Variants in AKAP6 observed in about 807,000 individuals in gnomAD.
The protein encoded by AKAP6 is A-kinase anchor protein 6.
AKAP6 carries 58 observed loss-of-function variants against 188.5 expected under a neutral mutation model. That is an observed-to-expected ratio of 0.31 (90% confidence interval 0.25 to 0.38). The LOEUF (loss-of-function observed/expected upper bound fraction) is 0.38. Ranked by LOEUF, AKAP6 falls within the 10% of genes least tolerant of loss-of-function variation. AKAP6 has a pLI of 1.00. For synonymous variants in AKAP6, 989 were observed against 998.6 expected, an observed-to-expected ratio of 0.99 and a Z score of 0.18; for missense variants, 2,710 against 2,740.0, an observed-to-expected ratio of 0.99 and a Z score of 0.24.
intron 9 of AKAP6, chr14:32,718,285 G>A: frequency 1.0e-6 from 1 of 985,318 alleles, no homozygotes; most frequent in East Asian, 1.1e-4. Context: ...CCATTGAAAT[G>A]ACAGTCAAGC....
At chr14:32,777,017 C>T (rs926771) in intron 12 of AKAP6, among the ~76,000 whole-genome samples, 15,002 of 152,176 alleles carry the variant, frequency 0.099, 781 homozygotes, top group East Asian at 0.16. Context: ...AGCTAGAAAT[C>T]ATTCCCTTTT....
intron 12 of AKAP6, among the ~76,000 whole-genome samples, chr14:32,817,469 G>GTC (rs879292922): frequency 0.021 from 2,757 of 129,152 alleles, 32 homozygotes; most frequent in Non-Finnish European, 0.033. Context: ...GTGTGTGTGT[G>GTC]TGTGTGTGTG....
At chr14:32,586,110 T>C (rs1459623983) in intron 5 of AKAP6, among the ~76,000 whole-genome samples, 1 of 152,168 alleles carries the variant, frequency 6.6e-6, no homozygotes. Flanking sequence ...AATAACTCTG[T>C]GCATGAAAGA....
intron 5 of AKAP6, among the ~76,000 whole-genome samples, chr14:32,584,762 T>G (rs915120851): frequency 2.0e-5 from 3 of 152,240 alleles, no homozygotes; most frequent in African/African-American, 7.2e-5. Flanking sequence ...TTTCGGTCTG[T>G]CTTCTTACAT....
At chr14:32,613,443 A>G (rs2139391100) in intron 7 of AKAP6, among the ~76,000 whole-genome samples, 1 of 152,330 alleles carries the variant, frequency 6.6e-6, no homozygotes, top group South Asian at 2.1e-4. Context: ...TCTGAAGTTT[A>G]TTCATAACTT....
At position 32,831,220 on chromosome 14, in the gene AKAP6, A is replaced by G. The variant is rs1407629950; in HGVS notation, c.*1415A>G. The G allele has an allele frequency of 1.3e-5, 2 of 152,202 alleles. No individual in the cohort carries two copies. The highest frequency in any genetic ancestry group is 2.9e-5 in the Non-Finnish European group (2 of 68,040). 9.4% of individuals were successfully genotyped at this position (152,202 alleles called of 1,614,324 possible). A position where few individuals can be genotyped will look rare whatever the true frequency, so the allele number is the denominator to read the frequency against. Reference sequence around the variant, plus strand: ...TTTCAGGTATATTTATATGTGTAAAAGAAATTGACAAAGAAATATTTCATC... The same window carrying G: ...TTTCAGGTATATTTATATGTGTAAAGGAAATTGACAAAGAAATATTTCATC... On this transcript the variant is annotated 3_prime_UTR_variant, in exon 14 of 14. Transcript: ENST00000280979.
chr14:32,492,749 T>A (rs1368308878), intron 2 of AKAP6, among the ~76,000 whole-genome samples: 1 of 152,066 alleles, frequency 6.6e-6, no homozygotes, highest in East Asian at 1.9e-4. Flanking sequence ...ATAGATAAAA[T>A]CTAGTGATGA....
intron 13 of AKAP6, among the ~76,000 whole-genome samples, chr14:32,829,184 A>G (rs950590175): frequency 6.6e-6 from 1 of 152,242 alleles, no homozygotes; most frequent in Non-Finnish European, 1.5e-5. Context: ...GAAGAAATTT[A>G]TATCATAGCC....
At chr14:32,401,952 G>A (rs1430476216) in intron 1 of AKAP6, 1 of 70,312 alleles carries the variant, frequency 1.4e-5, no homozygotes, top group African/African-American at 5.7e-5. Context: ...TGGAATCTCA[G>A]AATGAGAACA....
intron 5 of AKAP6, among the ~76,000 whole-genome samples, chr14:32,589,276 C>T (rs1012214385): frequency 6.6e-6 from 1 of 152,194 alleles, no homozygotes; most frequent in African/African-American, 2.4e-5. Flanking sequence ...TGCTTGTCCC[C>T]CTTGATTCCC....
At chr14:32,624,583 T>G (rs2038401) in intron 7 of AKAP6, among the ~76,000 whole-genome samples, 4 of 152,152 alleles carry the variant, frequency 2.6e-5, no homozygotes, top group Non-Finnish European at 4.4e-5. Context: ...CAGAGCATTT[T>G]ATATATTACA....
intron 5 of AKAP6, among the ~76,000 whole-genome samples, chr14:32,588,453 G>A (rs78155372): frequency 0.036 from 5,432 of 152,258 alleles, 349 homozygotes; most frequent in African/African-American, 0.12. Context: ...GCCTAGAGCA[G>A]CAATTCAGAG....
intron 12 of AKAP6, among the ~76,000 whole-genome samples, chr14:32,790,739 G>A (rs1033646669): frequency 6.6e-6 from 1 of 152,046 alleles, no homozygotes; most frequent in Non-Finnish European, 1.5e-5. Context: ...TCATGCATTA[G>A]GTGTTTGTCC....
At chr14:32,813,874 A>AT (rs71115099) in intron 12 of AKAP6, among the ~76,000 whole-genome samples, 41,580 of 142,508 alleles carry the variant, frequency 0.29, 7,432 homozygotes, top group Non-Finnish European at 0.4. Context: ...AAGTGATAGG[A>AT]TTTTTTTTTT....
intron 2 of AKAP6, among the ~76,000 whole-genome samples, chr14:32,458,957 T>A (rs1179768071): frequency 9.2e-5 from 14 of 152,174 alleles, no homozygotes; most frequent in Admixed American, 9.2e-4. Context: ...AAGACATTCG[T>A]AATAGCCCCA....
At chr14:32,591,882 T>C (rs1002499912) in intron 5 of AKAP6, among the ~76,000 whole-genome samples, 8 of 152,210 alleles carry the variant, frequency 5.3e-5, no homozygotes, top group Non-Finnish European at 1.2e-4. Flanking sequence ...ATTTATTTAA[T>C]TATGTGGTAA....
At chr14:32,511,441 TCTCAGCTCACTGCAACCTCC>T (rs1881257512) in intron 2 of AKAP6, among the ~76,000 whole-genome samples, 1 of 150,598 alleles carries the variant, frequency 6.6e-6, no homozygotes, top group Non-Finnish European at 1.5e-5. Flanking sequence ...CAGTGGTGGA[TCTCAGCTCACTGCAACCTCC>T]ACCTCCTGGG....
chr14:32,786,701 T>C (rs961405252), intron 12 of AKAP6, among the ~76,000 whole-genome samples: 3 of 152,104 alleles, frequency 2.0e-5, no homozygotes, highest in Non-Finnish European at 2.9e-5. Flanking sequence ...ATATAAGTCC[T>C]CTGAATAGTC....
intron 7 of AKAP6, among the ~76,000 whole-genome samples, chr14:32,617,619 C>G (rs1886634438): frequency 6.6e-6 from 1 of 152,030 alleles, no homozygotes; most frequent in Admixed American, 6.6e-5. Flanking sequence ...TTACGTGTGT[C>G]CTTTAGGTTG....
Sources: allele counts gnomAD v4.1 joint callset (sites outside exome capture counted in the v4.1 genomes callset), GRCh38; gene constraint gnomAD v4.1.1; transcripts MANE v1.5; gene names NCBI Gene and HGNC (gene_info 2026-07-23, HGNC 2026-07-21).